The following NAALADL2 variants were observed in gnomAD, a reference collection of about 807,000 sequenced individuals.
The protein encoded by NAALADL2 is N-acetylated alpha-linked acidic dipeptidase like 2.
In NAALADL2, 76 loss-of-function variants were observed where a neutral mutation model predicts 87.2. The ratio of observed to expected loss-of-function variants is 0.87; its 90% CI spans 0.72 to 1.05. The LOEUF is 1.05. Among genes scored for constraint, NAALADL2 ranks in the 50% least tolerant of loss-of-function variants. The pLI, the probability that NAALADL2 is intolerant of heterozygous loss-of-function variation, is 0.00. For missense variants in NAALADL2, 1,089 were observed against 945.8 expected (o/e 1.15, Z -1.99); for synonymous variants, 354 against 331.0 (o/e 1.07, Z -0.75).
chr3:175,348,927 A>G (rs1396243853), intron 5 of NAALADL2, among the ~76,000 whole-genome samples: 2 of 152,194 alleles, frequency 1.3e-5, no homozygotes, highest in African/African-American at 2.4e-5. Flanking sequence ...TTGAAAACCC[A>G]GAAGCAAAAA....
At chr3:174,940,372 G>T (rs1738394483) in intron 1 of NAALADL2, among the ~76,000 whole-genome samples, 1 of 152,108 alleles carries the variant, frequency 6.6e-6, no homozygotes, top group Non-Finnish European at 1.5e-5. Flanking sequence ...ATTTAATTGT[G>T]GTGGATTAGC....
intron 1 of NAALADL2, among the ~76,000 whole-genome samples, chr3:175,018,448 C>T (rs776091476): frequency 1.3e-5 from 2 of 151,838 alleles, no homozygotes; most frequent in Non-Finnish European, 2.9e-5. Flanking sequence ...ATTTATACTG[C>T]AAATGTTTAT....
At chr3:175,795,098 C>G (rs938951140) in intron 13 of NAALADL2, among the ~76,000 whole-genome samples, 1 of 152,136 alleles carries the variant, frequency 6.6e-6, no homozygotes, top group Admixed American at 6.5e-5. Context: ...TTAATTACCC[C>G]CAAGGCTCCA....
intron 3 of NAALADL2, among the ~76,000 whole-genome samples, chr3:174,836,642 G>A (rs1262499102): frequency 6.8e-6 from 1 of 146,038 alleles, no homozygotes; most frequent in Non-Finnish European, 1.5e-5. Context: ...CCGGGAGGCG[G>A]AGCTTGCAGT....
chr3:174,630,096 T>C (rs1041840260), intron 2 of NAALADL2, among the ~76,000 whole-genome samples: 1 of 152,184 alleles, frequency 6.6e-6, no homozygotes, highest in African/African-American at 2.4e-5. Context: ...ATGTCTATAA[T>C]GCTTACTAAT....
At chr3:175,103,681 A>G (rs1722618474) in intron 2 of NAALADL2, among the ~76,000 whole-genome samples, 1 of 152,196 alleles carries the variant, frequency 6.6e-6, no homozygotes, top group Non-Finnish European at 1.5e-5. Context: ...GGATCAAAAG[A>G]TACAAATAAG....
intron 4 of NAALADL2, among the ~76,000 whole-genome samples, chr3:175,318,540 GA>G (rs1475327828): frequency 3.9e-5 from 6 of 152,026 alleles, no homozygotes; most frequent in African/African-American, 1.2e-4. Flanking sequence ...ACAGAATACT[GA>G]AAGAAGATAT....
In NAALADL2 at chr3:174,954,188, G is replaced by A. The variant is rs574407084; in HGVS notation, c.43+94738G>A. ...GAATACTGACAAAACAAATCAATAA[G>A]CTCACTGGAGAATTTTACTGAGCCT... On this transcript the variant is annotated intron_variant, in intron 1 of 13. Coordinates refer to ENST00000454872, the MANE Select transcript of NAALADL2 (RefSeq NM_207015.3). 4.1e-4 allele frequency among the ~76,000 whole-genome samples: 62 copies of A among 152,118 alleles called. 1 individual carries two copies. The Middle Eastern group carries it at 0.031, about 75-fold the overall frequency.
chr3:175,475,532 A>G (rs1048689754), intron 9 of NAALADL2, among the ~76,000 whole-genome samples: 1 of 152,146 alleles, frequency 6.6e-6, no homozygotes, highest in Non-Finnish European at 1.5e-5. Context: ...AGAAAATAGC[A>G]ATGAAATTTC....
At position 175,579,889 on chromosome 3, in the gene NAALADL2, A is replaced by G. The variant is rs1324756359; in HGVS notation, c.1800+3702A>G. Among the ~76,000 whole-genome samples, 3 of 152,132 alleles carry G rather than the reference A, an allele frequency of 2.0e-5. No homozygotes were observed. The East Asian group carries it at 5.8e-4, about 29-fold the overall frequency. On this transcript the variant is annotated intron_variant, in intron 10 of 13. Coordinates refer to ENST00000454872, the MANE Select transcript of NAALADL2 (RefSeq NM_207015.3). ...GAGGGTCTATCTTTCTTAGTATATCAGAAGATCAATCCATGCCCTAGCAAG... is the reference window on the plus strand; with the variant it reads ...GAGGGTCTATCTTTCTTAGTATATCGGAAGATCAATCCATGCCCTAGCAAG...
At chr3:174,682,330 C>T (rs1055388849) in intron 2 of NAALADL2, among the ~76,000 whole-genome samples, 3 of 152,076 alleles carry the variant, frequency 2.0e-5, no homozygotes, top group African/African-American at 7.2e-5. Flanking sequence ...ATGGGAAATT[C>T]GACACAATGA....
At chr3:174,781,882 T>C (rs914948446) in intron 3 of NAALADL2, among the ~76,000 whole-genome samples, 1 of 152,066 alleles carries the variant, frequency 6.6e-6, no homozygotes, top group Non-Finnish European at 1.5e-5. Context: ...TTCAGGTCTT[T>C]GCAAGATGAA....
intron 3 of NAALADL2, among the ~76,000 whole-genome samples, chr3:175,248,499 T>A (rs1025697918): frequency 3.9e-5 from 6 of 152,176 alleles, no homozygotes; most frequent in Admixed American, 6.5e-5. Context: ...TTTCAACACA[T>A]CTTGTCTCAC....
intron 13 of NAALADL2, among the ~76,000 whole-genome samples, chr3:175,760,375 G>A (rs976781105): frequency 3.3e-5 from 5 of 152,080 alleles, no homozygotes; most frequent in African/African-American, 9.7e-5. Flanking sequence ...GTTTTCAAGG[G>A]GACATCTAAT....
chr3:175,264,524 T>G (rs1433738030), intron 4 of NAALADL2, among the ~76,000 whole-genome samples: 1 of 151,780 alleles, frequency 6.6e-6, no homozygotes, highest in Non-Finnish European at 1.5e-5. Flanking sequence ...GACTGCACCT[T>G]TGTGTTATTC....
At chr3:175,543,988 G>A (rs144064571) in intron 9 of NAALADL2, among the ~76,000 whole-genome samples, 49 of 152,272 alleles carry the variant, frequency 3.2e-4, no homozygotes, top group African/African-American at 1.2e-3. Flanking sequence ...GTCCTTTGTG[G>A]TTAGTTACTT....
chr3:175,234,203 AG>A lies in NAALADL2; in HGVS notation c.819+1del. ...GCCTATTCTGCCAAAGGAACTCTCAAGGTAATATGACCATTTGTCTCTGTCA... is the reference window on the plus strand; with the variant it reads ...GCCTATTCTGCCAAAGGAACTCTCAAGTAATATGACCATTTGTCTCTGTCA... ...YAAYSAKGTL[K>X]AEVIDVSYGM... On this transcript the variant is annotated frameshift_variant and splice_region_variant, in exon 3 of 14. Coordinates refer to ENST00000454872, the MANE Select transcript of NAALADL2 (RefSeq NM_207015.3). LOFTEE classifies it high-confidence loss of function. 2 of 1,613,040 alleles carry A rather than the reference AG, an allele frequency of 1.2e-6. No homozygotes were observed. The highest frequency in any genetic ancestry group is 1.7e-6 in the Non-Finnish European group (2 of 1,179,358).
At chr3:174,625,963 T>C (rs1469287042) in intron 2 of NAALADL2, among the ~76,000 whole-genome samples, 2 of 152,130 alleles carry the variant, frequency 1.3e-5, no homozygotes, top group African/African-American at 4.8e-5. Flanking sequence ...TTTATGCTTT[T>C]ACATAGTTTA....
intron 1 of NAALADL2, among the ~76,000 whole-genome samples, chr3:174,534,077 G>A (rs1234221146): frequency 2.0e-5 from 3 of 152,062 alleles, no homozygotes; most frequent in Non-Finnish European, 4.4e-5. Context: ...CACATTATGT[G>A]TATATAAAAA....
Sources: allele counts gnomAD v4.1 joint callset (sites outside exome capture counted in the v4.1 genomes callset), GRCh38; gene constraint gnomAD v4.1.1; transcripts MANE v1.5; gene names NCBI Gene and HGNC (gene_info 2026-07-23, HGNC 2026-07-21).